TMEM232: variants seen among roughly 807,000 people sequenced by gnomAD.
The protein encoded by TMEM232 is transmembrane protein 232.
Under a neutral mutation model 78.8 loss-of-function variants are expected in TMEM232, and 80 were observed. The ratio of observed to expected loss-of-function variants is 1.01; its 90% CI spans 0.85 to 1.22. The LOEUF is 1.22. Among genes scored for constraint, TMEM232 ranks in the 50% most tolerant of loss-of-function variants. The probability of loss-of-function intolerance (pLI) is 0.00; values close to 1 mark genes in which losing one functional copy is unlikely to be tolerated. For missense variants in TMEM232, 881 were observed against 742.2 expected, an observed-to-expected ratio of 1.19 and a Z score of -2.17; for synonymous variants, 297 against 254.3, an observed-to-expected ratio of 1.17 and a Z score of -1.60.
intron 4 of TMEM232, among the ~76,000 whole-genome samples, chr5:110,640,237 T>C (rs1786478883): frequency 6.6e-6 from 1 of 152,182 alleles, no homozygotes; most frequent in Admixed American, 6.6e-5. Flanking sequence ...ATTCTTACTC[T>C]TCCTGTTGCT....
At chr5:110,571,665 G>GT (rs1233009368) in intron 10 of TMEM232, among the ~76,000 whole-genome samples, 7 of 150,472 alleles carry the variant, frequency 4.7e-5, no homozygotes, top group South Asian at 4.2e-4. Context: ...CTCTATAGTT[G>GT]TTTTTTTTGT....
chr5:110,466,726 C>T (rs1214669490), intron 12 of TMEM232, among the ~76,000 whole-genome samples: 1 of 151,760 alleles, frequency 6.6e-6, no homozygotes, highest in African/African-American at 2.4e-5. Flanking sequence ...CATTCTCCTG[C>T]CTCAGCCTCC....
At chr5:110,516,148 AGAACGGCGT>A (rs1233637520) in intron 12 of TMEM232, among the ~76,000 whole-genome samples, 2 of 152,100 alleles carry the variant, frequency 1.3e-5, no homozygotes, top group African/African-American at 4.8e-5. Context: ...CTGACGCAGG[AGAACGGCGT>A]GAACCTGGGA....
At chr5:110,524,403 G>A (rs187692673) in intron 12 of TMEM232, among the ~76,000 whole-genome samples, 9 of 76,760 alleles carry the variant, frequency 1.2e-4, no homozygotes, top group South Asian at 4.5e-4. Context: ...AAGAAAGAAA[G>A]AAAGAAAGAA....
rs367889158 is a variant in TMEM232 at position 110,494,011 on chromosome 5, T to C, written c.1703+34577A>G. ...TGTTCTCATTGTCCAACTCAGAACA[T>C]GCGGTGTTGGTTTTCTGTTCTTGTG... is the stretch of plus-strand genomic sequence containing the variant. On this transcript the variant is annotated intron_variant, in intron 12 of 13. Coordinates refer to ENST00000455884, the MANE Select transcript of TMEM232 (RefSeq NM_001039763.4). 2.2e-4 allele frequency among the ~76,000 whole-genome samples: 33 copies of C among 152,116 alleles called. 1 individual carries two copies. In the East Asian group the frequency reaches 5.4e-3, roughly 25 times the overall value.
upstream of TMEM232, chr5:110,726,811 T>C (rs1219060815): frequency 3.3e-5 from 5 of 152,236 alleles, no homozygotes. Flanking sequence ...AAAGAATAAA[T>C]GCAATGTTGT....
rs993800878 is a variant in TMEM232, at chr5:110,667,250, C to G, written c.103G>C (p.Gly35Arg). Residue 35 changes from glycine to arginine, a missense_variant, in exon 2 of 14, where the codon GGA becomes CGA. Gly to Arg is a moderately radical substitution (Grantham distance 125). Coordinates refer to ENST00000455884, the MANE Select transcript of TMEM232 (RefSeq NM_001039763.4). ...LWKLNFQHLS[G>R]ERGHKSRPTF... Reference sequence around the variant, plus strand: ...TACCTTGATTTATGACCCCTTTCTCCACTTAAATGTTGAAAATTTAATTTC... The same window carrying G: ...TACCTTGATTTATGACCCCTTTCTCGACTTAAATGTTGAAAATTTAATTTC... 6.5e-7 allele frequency: 1 copy of G among 1,545,352 alleles called. No homozygotes were observed. The highest frequency in any genetic ancestry group is 8.7e-7 in the Non-Finnish European group (1 of 1,143,340).
At chr5:110,593,816 G>T (rs1779827128) in intron 10 of TMEM232, among the ~76,000 whole-genome samples, 1 of 151,966 alleles carries the variant, frequency 6.6e-6, no homozygotes, top group Admixed American at 6.6e-5. Flanking sequence ...TAACTAAAGG[G>T]TATAATTGGA....
At chr5:110,423,941 C>T (rs1228303410) in intron 13 of TMEM232, among the ~76,000 whole-genome samples, 1 of 151,878 alleles carries the variant, frequency 6.6e-6, no homozygotes, top group Non-Finnish European at 1.5e-5. Flanking sequence ...TGAAGATGAC[C>T]TGTACATATA....
chr5:110,467,399 T>A (rs1762201354), intron 12 of TMEM232, among the ~76,000 whole-genome samples: 1 of 152,204 alleles, frequency 6.6e-6, no homozygotes, highest in African/African-American at 2.4e-5. Flanking sequence ...GAGATAAAAC[T>A]GAATAACGGA....
chr5:110,413,808 C>G (rs935687571), intron 2 of TMEM232, among the ~76,000 whole-genome samples: 2 of 152,150 alleles, frequency 1.3e-5, no homozygotes, highest in African/African-American at 4.8e-5. Flanking sequence ...AGGGGACTCA[C>G]TATTTTGAAC....
At chr5:110,510,565 G>T (rs1213529654) in intron 12 of TMEM232, among the ~76,000 whole-genome samples, 2 of 151,818 alleles carry the variant, frequency 1.3e-5, no homozygotes, top group Non-Finnish European at 2.9e-5. Context: ...AACTAACAAA[G>T]CCAACAATGG....
At chr5:110,559,562 G>A (rs923783860) in intron 11 of TMEM232, among the ~76,000 whole-genome samples, 5 of 152,102 alleles carry the variant, frequency 3.3e-5, no homozygotes, top group Admixed American at 6.6e-5. Flanking sequence ...TGGCCGATAA[G>A]CAAACAAAAG....
intron 12 of TMEM232, among the ~76,000 whole-genome samples, chr5:110,463,816 C>G (rs191276424): frequency 6.6e-6 from 1 of 152,162 alleles, no homozygotes; most frequent in East Asian, 1.9e-4. Context: ...TTGCATCTCA[C>G]CTGCCCTACA....
At chr5:110,430,069 T>C (rs989777839) in intron 12 of TMEM232, 4 of 151,532 alleles carry the variant, frequency 2.6e-5, no homozygotes, top group African/African-American at 9.7e-5. Context: ...ATCTGGAATA[T>C]GTGGTGGTAT....
chr5:110,507,749 G>A (rs1214692601), intron 12 of TMEM232, among the ~76,000 whole-genome samples: 3 of 152,152 alleles, frequency 2.0e-5, no homozygotes, highest in Non-Finnish European at 4.4e-5. Context: ...AGCATTATTG[G>A]AATAAGACCC....
chr5:110,535,493 T>C (rs1208785614), intron 11 of TMEM232, among the ~76,000 whole-genome samples: 1 of 152,318 alleles, frequency 6.6e-6, no homozygotes, highest in South Asian at 2.1e-4. Context: ...TTTAGTAGTC[T>C]CTTCACATGG....
intron 12 of TMEM232, among the ~76,000 whole-genome samples, chr5:110,458,650 G>A (rs1469488812): frequency 6.6e-6 from 1 of 152,082 alleles, no homozygotes; most frequent in East Asian, 1.9e-4. Flanking sequence ...TAACCACTCA[G>A]TTGAAATCCA....
intron 1 of TMEM232, among the ~76,000 whole-genome samples, chr5:110,672,348 CA>C (rs1157640954): frequency 6.6e-6 from 1 of 152,082 alleles, no homozygotes; most frequent in East Asian, 1.9e-4. Context: ...TGGAATAAAA[CA>C]TCAAAAATAC....
Sources: allele counts gnomAD v4.1 joint callset (sites outside exome capture counted in the v4.1 genomes callset), GRCh38; gene constraint gnomAD v4.1.1; transcripts MANE v1.5; gene names NCBI Gene and HGNC (gene_info 2026-07-23, HGNC 2026-07-21).